The following CDH12 variants were observed in gnomAD, a reference collection of about 807,000 sequenced individuals.
CDH12 encodes cadherin 12.
CDH12 carries 41 observed loss-of-function variants against 74.1 expected under a neutral mutation model. The observed-to-expected ratio is 0.55, with a 90% CI of 0.43 to 0.72. CDH12 has a LOEUF of 0.72. Among genes scored for constraint, CDH12 ranks in the 30% least tolerant of loss-of-function variants. The pLI is 0.00. For missense variants in CDH12, 945 were observed against 977.2 expected, an observed-to-expected ratio of 0.97 and a Z score of 0.44; for synonymous variants, 399 against 355.0, an observed-to-expected ratio of 1.12 and a Z score of -1.39.
At chr5:21,872,440 G>A (rs76554295) in intron 6 of CDH12, among the ~76,000 whole-genome samples, 5,325 of 152,208 alleles carry the variant, frequency 0.035, 276 homozygotes, top group African/African-American at 0.11. Context: ...TGCGTCCAGT[G>A]ACACACATTG....
intron 3 of CDH12, among the ~76,000 whole-genome samples, chr5:22,343,321 CACAGAGAGAG>C (rs1330392719): frequency 8.1e-6 from 1 of 124,214 alleles, no homozygotes; most frequent in East Asian, 2.2e-4. Flanking sequence ...CAGACACACA[CACAGAGAGAG>C]AGAGAGAGAG....
chr5:21,756,117 C>T (rs1475798992), intron 13 of CDH12, among the ~76,000 whole-genome samples: 1 of 151,896 alleles, frequency 6.6e-6, no homozygotes, highest in Non-Finnish European at 1.5e-5. Flanking sequence ...TTAAATTGAT[C>T]AATTTTTTTA....
chr5:21,950,565 C>T lies in CDH12; in HGVS notation c.526+24526G>A, dbSNP rs185728954. 4.3e-4 allele frequency among the ~76,000 whole-genome samples: 65 copies of T among 151,156 alleles called. 1 individual carries two copies. The highest frequency in any genetic ancestry group is 1.4e-3 in the African/African-American group (57 of 41,296). ...TAGTTAAAAAAACAAAAATCAAAAA[C>T]GAAAAAACATGGCCAACAATATTGT... On this transcript the variant is annotated intron_variant, in intron 6 of 14. Coordinates refer to ENST00000382254, the MANE Select transcript of CDH12 (RefSeq NM_004061.5).
intron 1 of CDH12, among the ~76,000 whole-genome samples, chr5:22,512,246 T>C (rs568709861): frequency 1.3e-5 from 2 of 151,904 alleles, no homozygotes; most frequent in African/African-American, 4.8e-5. Flanking sequence ...GTGATAAGAG[T>C]AGAGATTCAT....
At chr5:21,958,014 G>T (rs540178933) in intron 6 of CDH12, among the ~76,000 whole-genome samples, 2 of 152,132 alleles carry the variant, frequency 1.3e-5, no homozygotes, top group African/African-American at 4.8e-5. Context: ...ACCAGGTGGA[G>T]GTAATTGAAT....
chr5:22,407,035 A>G (rs1742967424), intron 2 of CDH12, among the ~76,000 whole-genome samples: 1 of 152,116 alleles, frequency 6.6e-6, no homozygotes, highest in Non-Finnish European at 1.5e-5. Context: ...TGAGAAATTG[A>G]ATACTTTGGC....
At chr5:22,138,709 A>T (rs2150294933) in intron 4 of CDH12, among the ~76,000 whole-genome samples, 1 of 149,822 alleles carries the variant, frequency 6.7e-6, no homozygotes, top group East Asian at 2.0e-4. Context: ...CATAGAGACA[A>T]AGATTTTAGT....
At chr5:22,564,436 T>G (rs1739200026) in intron 1 of CDH12, among the ~76,000 whole-genome samples, 1 of 152,224 alleles carries the variant, frequency 6.6e-6, no homozygotes, top group African/African-American at 2.4e-5. Context: ...TTGAGAGTGT[T>G]CACTTTACCA....
chr5:22,381,191 A>G (rs1741745892), intron 3 of CDH12, among the ~76,000 whole-genome samples: 1 of 151,980 alleles, frequency 6.6e-6, no homozygotes, highest in Non-Finnish European at 1.5e-5. Context: ...TCAAACTTTA[A>G]TTGGAATAAA....
chr5:22,624,960 C>T (rs1738203877), intron 1 of CDH12, among the ~76,000 whole-genome samples: 1 of 152,168 alleles, frequency 6.6e-6, no homozygotes, highest in African/African-American at 2.4e-5. Flanking sequence ...CACATATACA[C>T]CATGGAATAC....
intron 1 of CDH12, among the ~76,000 whole-genome samples, chr5:22,655,304 T>C (rs1348311726): frequency 6.6e-6 from 1 of 152,224 alleles, no homozygotes; most frequent in Admixed American, 6.5e-5. Flanking sequence ...CCATGCAATA[T>C]GATCATTCTA....
At chr5:22,040,620 A>G (rs1739510074) in intron 5 of CDH12, among the ~76,000 whole-genome samples, 1 of 152,234 alleles carries the variant, frequency 6.6e-6, no homozygotes, top group Non-Finnish European at 1.5e-5. Flanking sequence ...AACTGAACAG[A>G]AATCCTAAAG....
intron 8 of CDH12, among the ~76,000 whole-genome samples, chr5:21,831,281 G>A (rs1253858262): frequency 6.6e-6 from 1 of 152,008 alleles, no homozygotes; most frequent in Non-Finnish European, 1.5e-5. Flanking sequence ...ATCCACTTAC[G>A]TTCTGCTGTA....
chr5:22,374,441 A>C (rs1036404792), intron 3 of CDH12, among the ~76,000 whole-genome samples: 22 of 152,284 alleles, frequency 1.4e-4, no homozygotes, highest in Admixed American at 4.6e-4. Context: ...TTCAATATGT[A>C]CTGGAAATCC....
chr5:22,626,359 G>T (rs1369403081), intron 1 of CDH12, among the ~76,000 whole-genome samples: 1 of 152,140 alleles, frequency 6.6e-6, no homozygotes, highest in Non-Finnish European at 1.5e-5. Flanking sequence ...GTTGGGGCTA[G>T]TGGACTGGAA....
chr5:22,428,368 T>C (rs1744031816), intron 2 of CDH12, among the ~76,000 whole-genome samples: 1 of 152,134 alleles, frequency 6.6e-6, no homozygotes, highest in African/African-American at 2.4e-5. Context: ...ACATTAATGT[T>C]ATACTGGAAT....
At chr5:22,300,633 C>T (rs1283625825) in intron 3 of CDH12, among the ~76,000 whole-genome samples, 1 of 152,168 alleles carries the variant, frequency 6.6e-6, no homozygotes, top group Non-Finnish European at 1.5e-5. Flanking sequence ...CTCAATATAA[C>T]ATATTTCAGC....
intron 1 of CDH12, among the ~76,000 whole-genome samples, chr5:22,707,579 A>C (rs953930823): frequency 1.3e-5 from 2 of 152,152 alleles, no homozygotes; most frequent in Non-Finnish European, 2.9e-5. Context: ...CAACAAAAGC[A>C]TCACATTGAG....
rs187555441 is a variant in CDH12, at chr5:22,084,629, A to T, written c.-186-5767T>A. 1.6e-4 allele frequency among the ~76,000 whole-genome samples: 24 copies of T among 152,290 alleles called. No individual in the cohort carries two copies. The South Asian group carries it at 1.9e-3, about 12-fold the overall frequency. ...TCATTGTTTTATAATCCTAAAATCC[A>T]TTTCAAGTCTCTATAACACTACAGT... is the stretch of plus-strand genomic sequence containing the variant. On this transcript the variant is annotated intron_variant, in intron 4 of 14. Coordinates refer to ENST00000382254, the MANE Select transcript of CDH12 (RefSeq NM_004061.5).
Sources: allele counts gnomAD v4.1 joint callset (sites outside exome capture counted in the v4.1 genomes callset), GRCh38; gene constraint gnomAD v4.1.1; transcripts MANE v1.5; gene names NCBI Gene and HGNC (gene_info 2026-07-23, HGNC 2026-07-21).